ESRRG: variants seen among roughly 807,000 people sequenced by gnomAD.
ESRRG encodes estrogen-related receptor gamma.
Under a neutral mutation model 44.0 loss-of-function variants are expected in ESRRG, and 13 were observed. That is an observed-to-expected ratio of 0.30 (90% CI 0.19 to 0.47). ESRRG has a LOEUF of 0.47. Ranked by LOEUF, ESRRG falls within the 20% of genes least tolerant of loss-of-function variation. The probability of loss-of-function intolerance (pLI) is 1.00; values close to 1 mark genes in which losing one functional copy is unlikely to be tolerated. For missense variants in ESRRG, 395 were observed against 580.6 expected, an observed-to-expected ratio of 0.68 and a Z score of 3.29; for synonymous variants, 215 against 214.6, an observed-to-expected ratio of 1.00 and a Z score of -0.02.
chr1:217,019,983 AC>A (rs1438364351), intron 1 of ESRRG, among the ~76,000 whole-genome samples: 1 of 152,172 alleles, frequency 6.6e-6, no homozygotes, highest in African/African-American at 2.4e-5. Context: ...AGGATCAGGT[AC>A]CCGGATAAAA....
At chr1:216,518,661 A>G (rs2045135061) in intron 6 of ESRRG, among the ~76,000 whole-genome samples, 2 of 152,202 alleles carry the variant, frequency 1.3e-5, no homozygotes, top group Admixed American at 1.3e-4. Context: ...CCCTTACTGC[A>G]TAGGCAGAAT....
chr1:216,909,303 C>T (rs995134713), intron 2 of ESRRG, among the ~76,000 whole-genome samples: 1 of 152,108 alleles, frequency 6.6e-6, no homozygotes, highest in African/African-American at 2.4e-5. Context: ...TTCACCAAGA[C>T]CTCTACAGCC....
intron 1 of ESRRG, among the ~76,000 whole-genome samples, chr1:216,949,959 C>A (rs1424147778): frequency 6.6e-6 from 1 of 152,006 alleles, no homozygotes; most frequent in Non-Finnish European, 1.5e-5. Flanking sequence ...ATTATAGGCA[C>A]ATGCCACCAC....
At chr1:216,677,992 AC>A (rs1001774641) in intron 1 of ESRRG, among the ~76,000 whole-genome samples, 6 of 152,176 alleles carry the variant, frequency 3.9e-5, no homozygotes, top group African/African-American at 1.4e-4. Context: ...GCAGAATAAA[AC>A]TTTTATTTTC....
intron 5 of ESRRG, among the ~76,000 whole-genome samples, chr1:216,533,492 T>C (rs2050021290): frequency 6.6e-6 from 1 of 152,144 alleles, no homozygotes; most frequent in Non-Finnish European, 1.5e-5. Flanking sequence ...ATTTATTTAA[T>C]GTGTAGAGAT....
intron 3 of ESRRG, among the ~76,000 whole-genome samples, chr1:216,629,658 G>T (rs749955335): frequency 6.6e-6 from 1 of 152,178 alleles, no homozygotes; most frequent in Non-Finnish European, 1.5e-5. Context: ...GGTTCCTGAA[G>T]TGTCTTACCA....
chr1:216,791,618 CTCACAA>C (rs1273326508), intron 2 of ESRRG, among the ~76,000 whole-genome samples: 2 of 152,124 alleles, frequency 1.3e-5, no homozygotes, highest in Non-Finnish European at 2.9e-5. Flanking sequence ...CCCTCCCACA[CTCACAA>C]TCACATTCTA....
intron 5 of ESRRG, among the ~76,000 whole-genome samples, chr1:216,534,004 T>G (rs2050166240): frequency 6.6e-6 from 1 of 152,120 alleles, no homozygotes; most frequent in Non-Finnish European, 1.5e-5. Context: ...TACAGACAGA[T>G]CTATCAGGCC....
chr1:216,733,280 C>G (rs1235568202), intron 2 of ESRRG, among the ~76,000 whole-genome samples: 1 of 146,740 alleles, frequency 6.8e-6, no homozygotes, highest in African/African-American at 2.5e-5. Context: ...CTACCAGGTG[C>G]TTTGGGGCCT....
At chr1:216,913,633 C>T (rs573650400) in intron 2 of ESRRG, among the ~76,000 whole-genome samples, 13 of 152,336 alleles carry the variant, frequency 8.5e-5, no homozygotes, top group Non-Finnish European at 1.6e-4. Context: ...CGGCCCTTGC[C>T]GATTCCTCAA....
intron 2 of ESRRG, among the ~76,000 whole-genome samples, chr1:216,931,172 T>C (rs983609816): frequency 2.0e-5 from 3 of 152,224 alleles, no homozygotes; most frequent in African/African-American, 4.8e-5. Flanking sequence ...ATATTAAAGA[T>C]GACATGCACG....
intron 1 of ESRRG, among the ~76,000 whole-genome samples, chr1:216,976,373 T>C (rs2072902407): frequency 6.6e-6 from 1 of 151,508 alleles, no homozygotes; most frequent in Non-Finnish European, 1.5e-5. Context: ...CCTCCATAGC[T>C]TAAAATAAAA....
chr1:216,772,228 C>T (rs527588798), intron 2 of ESRRG, among the ~76,000 whole-genome samples: 7 of 152,166 alleles, frequency 4.6e-5, no homozygotes, highest in Admixed American at 1.3e-4. Context: ...AAGAAACAAG[C>T]GAAGCATACC....
chr1:216,673,074 T>C (rs2075487184), intron 2 of ESRRG, among the ~76,000 whole-genome samples: 1 of 152,078 alleles, frequency 6.6e-6, no homozygotes, highest in Non-Finnish European at 1.5e-5. Flanking sequence ...ATCTCTTCCT[T>C]TTCCTTGGAG....
intron 1 of ESRRG, among the ~76,000 whole-genome samples, chr1:217,077,397 T>C (rs1013924198): frequency 1.3e-5 from 2 of 152,316 alleles, no homozygotes; most frequent in East Asian, 3.9e-4. Context: ...AGATTTGACT[T>C]AGAGCCTTAG....
At chr1:217,092,248 T>C (rs187721424), upstream of ESRRG, among the ~76,000 whole-genome samples, 251 of 152,320 alleles carry the variant, frequency 1.6e-3, 2 homozygotes, top group African/African-American at 4.5e-3. Context: ...CAAAATATAA[T>C]AGTTAATATT....
intron 2 of ESRRG, among the ~76,000 whole-genome samples, chr1:216,736,390 A>G (rs934025452): frequency 1.1e-4 from 17 of 151,786 alleles, no homozygotes; most frequent in Admixed American, 6.6e-5. Flanking sequence ...TCACCGTGTT[A>G]GCCAGGATGG....
At chr1:216,652,032 G>A (rs1050121466) in intron 2 of ESRRG, among the ~76,000 whole-genome samples, 3 of 152,082 alleles carry the variant, frequency 2.0e-5, no homozygotes, top group Admixed American at 1.3e-4. Context: ...GTGCTTGAAG[G>A]TCTTTCGTTA....
At chr1:216,680,511 C>A (rs1053886692) in intron 1 of ESRRG, among the ~76,000 whole-genome samples, 1 of 152,126 alleles carries the variant, frequency 6.6e-6, no homozygotes. Context: ...TATTTCTCAG[C>A]AATTATATCC....
Sources: allele counts gnomAD v4.1 joint callset (sites outside exome capture counted in the v4.1 genomes callset), GRCh38; gene constraint gnomAD v4.1.1; transcripts MANE v1.5; gene names NCBI Gene and HGNC (gene_info 2026-07-23, HGNC 2026-07-21).